IMPA1: variants seen among roughly 807,000 people sequenced by gnomAD.
IMPA1 encodes the protein inositol monophosphatase 1, also known as D-galactose 1-phosphate phosphatase.
In IMPA1, 21 loss-of-function variants were observed where a neutral mutation model predicts 34.9. That is an observed-to-expected ratio of 0.60 (90% CI 0.43 to 0.87). The LOEUF (loss-of-function observed/expected upper bound fraction) is 0.87, where lower values mean the gene tolerates loss of function less well. IMPA1 is among the 40% of genes least tolerant of loss of function. IMPA1 has a pLI of 0.00. For missense variants in IMPA1, 299 were observed against 336.4 expected (o/e 0.89, Z 0.87); for synonymous variants, 95 against 104.4 (o/e 0.91, Z 0.55).
chr8:81,671,458 G>A (rs971107567), intron 6 of IMPA1, among the ~76,000 whole-genome samples: 1 of 152,078 alleles, frequency 6.6e-6, no homozygotes. Context: ...CATTTACAAG[G>A]CTGACAGGTT....
At chr8:81,673,482 G>A (rs1585896814) in intron 6 of IMPA1, among the ~76,000 whole-genome samples, 2 of 152,074 alleles carry the variant, frequency 1.3e-5, no homozygotes, top group Non-Finnish European at 2.9e-5. Flanking sequence ...ACCACCTCGG[G>A]CACATGTCGT....
Position 81,680,709 on chromosome 8 carries a change from C to A in IMPA1, c.138G>T (p.Thr46=), listed in dbSNP as rs145492338. The change falls in exon 3 of 9, where the codon ACG becomes ACT. Residue 46 remains threonine, a synonymous_variant. Coordinates refer to ENST00000256108, the MANE Select transcript of IMPA1 (RefSeq NM_005536.4). The part of the protein sequence containing the change: ...KSSPVDLVTA[T]DQKVEKMLIS... ...TAAGCATTTTTTCAACTTTTTGGTC[C>A]GTAGCAGTTACCAAATCAACTGGAG... is the stretch of plus-strand genomic sequence containing the variant. 87 of 1,612,326 alleles carry A rather than the reference C, an allele frequency of 5.4e-5. No individual in the cohort carries two copies. The African/African-American group carries it at 8.3e-4, about 15-fold the overall frequency.
chr8:81,665,329 A>C lies in IMPA1; in HGVS notation c.567-4662T>G, dbSNP rs1449940039. ...TACGTACATAAAACAAGATGACTGAACTCAGGAAAGAAATGGGGGGGAAAT... is the reference window on the plus strand; with the variant it reads ...TACGTACATAAAACAAGATGACTGACCTCAGGAAAGAAATGGGGGGGAAAT... On this transcript the variant is annotated intron_variant, in intron 7 of 8. Transcript: ENST00000256108. Among the ~76,000 whole-genome samples, 3 of 152,318 alleles carry C rather than the reference A, an allele frequency of 2.0e-5. No homozygotes were observed. The East Asian group carries it at 5.8e-4, about 29-fold the overall frequency.
rs368153472 is a variant in IMPA1 at position 81,663,199 on chromosome 8, G to A, written c.567-2532C>T. ...TAAAGTTGTAAACCTCTTGCAACTC[G>A]TTTATGAGTAACATAACCATTTTAT... On this transcript the variant is annotated intron_variant, in intron 7 of 8. Coordinates refer to ENST00000256108, the MANE Select transcript of IMPA1 (RefSeq NM_005536.4). Among the ~76,000 whole-genome samples, 18 of 152,226 alleles carry A rather than the reference G, an allele frequency of 1.2e-4. No individual in the cohort carries two copies. The East Asian group carries it at 1.5e-3, about 13-fold the overall frequency.
At position 81,669,946 on chromosome 8, in the gene IMPA1, C is replaced by T. The variant is rs144026063; in HGVS notation, c.566+993G>A. Among the ~76,000 whole-genome samples, 41 of 152,290 alleles carry T rather than the reference C, an allele frequency of 2.7e-4. No individual in the cohort carries two copies. In the East Asian group the frequency reaches 6.6e-3, roughly 24 times the overall value. On this transcript the variant is annotated intron_variant, in intron 7 of 8. Transcript: ENST00000256108. ...ACTGGTGGCTTTATAAAGAGAAGAA[C>T]AGAGACCTGAGCTAGCATGCTCAGC...
At chr8:81,675,968 C>T (rs1456840810) in intron 5 of IMPA1, among the ~76,000 whole-genome samples, 3 of 152,198 alleles carry the variant, frequency 2.0e-5, no homozygotes, top group East Asian at 3.8e-4. Flanking sequence ...CTCTATCACA[C>T]ATATAATGGT....
intron 7 of IMPA1, among the ~76,000 whole-genome samples, chr8:81,667,741 C>CA (rs1410161431): frequency 6.7e-6 from 1 of 149,358 alleles, no homozygotes; most frequent in Admixed American, 6.7e-5. Context: ...AACTGAGGAA[C>CA]AAGGTATCGG....
chr8:81,677,366 A>T (rs1703392134), intron 4 of IMPA1, among the ~76,000 whole-genome samples: 1 of 152,218 alleles, frequency 6.6e-6, no homozygotes, highest in Non-Finnish European at 1.5e-5. Flanking sequence ...AAGTGCTGGG[A>T]TTACAGGCAT....
At chr8:81,665,365 A>G (rs1327675062) in intron 7 of IMPA1, among the ~76,000 whole-genome samples, 1 of 152,196 alleles carries the variant, frequency 6.6e-6, no homozygotes, top group Non-Finnish European at 1.5e-5. Context: ...AAAAGACAAA[A>G]TTATGTCAGG....
Position 81,659,362 on chromosome 8 carries a change from C to T in IMPA1, c.823G>A (p.Asp275Asn), listed in dbSNP as rs767783535. ...EIQVIPLQRD[D>N]ED ...TGAGGCTGCCTTAATTAATCTTCGT[C>T]GTCTCGTTGCAAAGGTATAACCTGA... The change falls in exon 9 of 9, where the codon GAC becomes AAC. Residue 275 changes from aspartate to asparagine, a missense_variant. Transcript: ENST00000256108. 9.4e-6 allele frequency: 15 copies of T among 1,593,534 alleles called. No individual in the cohort carries two copies. The East Asian group carries it at 1.3e-4, about 14-fold the overall frequency.
At chr8:81,684,166 T>C (rs914286782) in intron 1 of IMPA1, among the ~76,000 whole-genome samples, 20 of 142,394 alleles carry the variant, frequency 1.4e-4, no homozygotes, top group African/African-American at 4.2e-4. Context: ...TACACACACA[T>C]ACACATATAT....
chr8:81,663,074 G>A (rs895871106), intron 7 of IMPA1, among the ~76,000 whole-genome samples: 25 of 152,146 alleles, frequency 1.6e-4, no homozygotes, highest in African/African-American at 5.8e-4. Context: ...AAAGCAATCA[G>A]TAAGTCAGTA....
At chr8:81,668,450 G>A (rs1806896250) in intron 7 of IMPA1, among the ~76,000 whole-genome samples, 1 of 152,120 alleles carries the variant, frequency 6.6e-6, no homozygotes, top group East Asian at 1.9e-4. Flanking sequence ...AAAATTAACT[G>A]GATGTGGTGA....
rs1421222624 is a variant in IMPA1, at chr8:81,657,915, AAATAATAATAATGATAATGGT to A, written c.*1415_*1435del. The A allele has an allele frequency of 6.6e-6, 1 of 152,112 alleles. No homozygotes were observed. Among genetic ancestry groups the A allele is most frequent in the African/African-American group, 2.4e-5 (1 of 41,426 alleles). 9.4% of individuals were successfully genotyped at this position (152,112 alleles called of 1,614,324 possible). A position where few individuals can be genotyped will look rare whatever the true frequency, so the allele number is the denominator to read the frequency against. On this transcript the variant is annotated 3_prime_UTR_variant, in exon 9 of 9. Transcript: ENST00000256108. ...CAACAGAGCGAGACCCTGAATCTAA[AAATAATAATAATGATAATGGT>A]AATAATAATAAAAATATCAATTTAA...
chr8:81,685,992 G>T (rs1480767726), intron 1 of IMPA1: 2 of 1,440,196 alleles, frequency 1.4e-6, no homozygotes, highest in Non-Finnish European at 1.8e-6. Flanking sequence ...ATAAAAAGGG[G>T]CAATTATTCC....
intron 4 of IMPA1, among the ~76,000 whole-genome samples, chr8:81,677,322 C>G (rs1386381355): frequency 6.6e-6 from 1 of 152,094 alleles, no homozygotes; most frequent in Admixed American, 6.6e-5. Flanking sequence ...CTCGAACTCC[C>G]GACCTCAGGT....
At chr8:81,685,014 C>CATAA (rs1563593052) in intron 1 of IMPA1, among the ~76,000 whole-genome samples, 1 of 130,936 alleles carries the variant, frequency 7.6e-6, no homozygotes, top group East Asian at 2.3e-4. Flanking sequence ...ATATACTATA[C>CATAA]GTAAGTATAT....
intron 7 of IMPA1, among the ~76,000 whole-genome samples, chr8:81,669,476 G>A (rs1276655189): frequency 1.3e-5 from 2 of 152,210 alleles, no homozygotes; most frequent in Non-Finnish European, 2.9e-5. Context: ...TTATTCTTGA[G>A]CTTTAAGATT....
chr8:81,676,066 T>A (rs996410617), intron 5 of IMPA1, among the ~76,000 whole-genome samples, 168 bp downstream of exon 5: 1 of 152,234 alleles, frequency 6.6e-6, no homozygotes. Flanking sequence ...TTTTATCCAA[T>A]GCAAATGTAT....
Sources: gnomAD v4.1 joint callset for allele counts (sites outside exome capture counted in the v4.1 genomes callset) on GRCh38, gnomAD v4.1.1 for gene constraint, MANE v1.5 for transcripts, NCBI Gene and HGNC (gene_info 2026-07-23, HGNC 2026-07-21) for gene names.